NCALD: variants seen among roughly 807,000 people sequenced by gnomAD.
NCALD encodes the protein neurocalcin delta.
Under a neutral mutation model 18.6 loss-of-function variants are expected in NCALD, and 10 were observed. The observed-to-expected ratio is 0.54, with a 90% CI of 0.33 to 0.91. The LOEUF (loss-of-function observed/expected upper bound fraction) is 0.91, where lower values mean the gene tolerates loss of function less well. Ranked by LOEUF, NCALD falls within the 40% of genes least tolerant of loss-of-function variation. The pLI is 0.03. For synonymous variants in NCALD, 88 were observed against 87.4 expected (o/e 1.01, Z -0.04); for missense variants, 184 against 247.6 (o/e 0.74, Z 1.72).
intron 1 of NCALD, among the ~76,000 whole-genome samples, chr8:101,756,039 G>A (rs144283784): frequency 9.9e-5 from 15 of 152,002 alleles, no homozygotes; most frequent in East Asian, 9.7e-4. Context: ...GTCATCAGAC[G>A]GGACCTGCCA....
At chr8:102,096,892 A>G (rs1825120586) in intron 1 of NCALD, among the ~76,000 whole-genome samples, 1 of 152,224 alleles carries the variant, frequency 6.6e-6, no homozygotes, top group Non-Finnish European at 1.5e-5. Context: ...TCAAAATGCC[A>G]AGAACCTGGA....
intron 1 of NCALD, among the ~76,000 whole-genome samples, chr8:101,746,395 A>T (rs936335105): frequency 6.6e-6 from 1 of 152,182 alleles, no homozygotes; most frequent in African/African-American, 2.4e-5. Context: ...GTGTTGCAGA[A>T]ATTATCCAGT....
intron 2 of NCALD, among the ~76,000 whole-genome samples, chr8:101,933,393 C>T (rs919889254): frequency 9.9e-5 from 15 of 152,184 alleles, no homozygotes; most frequent in Admixed American, 9.8e-4. Flanking sequence ...TGCCAGCAGC[C>T]TCTAGAAGCT....
intron 2 of NCALD, among the ~76,000 whole-genome samples, chr8:101,954,713 C>T (rs774036853): frequency 1.3e-5 from 2 of 152,112 alleles, no homozygotes; most frequent in Admixed American, 1.3e-4. Flanking sequence ...AGTTAGCACT[C>T]GAGACAAAAC....
At chr8:101,922,836 C>T (rs947179329) in intron 2 of NCALD, among the ~76,000 whole-genome samples, 1 of 152,144 alleles carries the variant, frequency 6.6e-6, no homozygotes, top group African/African-American at 2.4e-5. Context: ...TTAGAAATTA[C>T]ACACAGTAAG....
intron 1 of NCALD, among the ~76,000 whole-genome samples, chr8:102,021,075 C>T (rs1287086813): frequency 6.6e-6 from 1 of 152,196 alleles, no homozygotes; most frequent in Admixed American, 6.5e-5. Context: ...CCAAAGAACA[C>T]TGCATTTTTT....
At position 101,719,635 on chromosome 8, in the gene NCALD, C is replaced by A. The variant is rs570098457; in HGVS notation, c.-6G>T. On this transcript the variant is annotated 5_prime_UTR_variant, in exon 2 of 4. Coordinates refer to ENST00000220931, the MANE Select transcript of NCALD (RefSeq NM_032041.3). Reference sequence around the variant, plus strand: ...TTGCTGTTCTGTTTCCCCATCCTGGCGGCAAGAATTCAGCTGCAGATAGAA... The same window carrying A: ...TTGCTGTTCTGTTTCCCCATCCTGGAGGCAAGAATTCAGCTGCAGATAGAA... 2.6e-6 allele frequency: 4 copies of A among 1,559,474 alleles called. No homozygotes were observed. In the African/African-American group the frequency reaches 4.1e-5, roughly 16 times the overall value.
At chr8:102,093,054 A>C (rs1435953652) in intron 1 of NCALD, among the ~76,000 whole-genome samples, 5 of 152,074 alleles carry the variant, frequency 3.3e-5, no homozygotes, top group Non-Finnish European at 5.9e-5. Flanking sequence ...GCTTCTCAGG[A>C]GGCTGAGGAG....
At chr8:101,921,645 G>C (rs1248697727) in intron 2 of NCALD, among the ~76,000 whole-genome samples, 8 of 152,016 alleles carry the variant, frequency 5.3e-5, no homozygotes, top group Admixed American at 5.2e-4. Flanking sequence ...ATATGTCAGT[G>C]GTAAGGACTT....
chr8:102,003,438 T>A (rs958155548), intron 2 of NCALD, among the ~76,000 whole-genome samples: 2 of 152,216 alleles, frequency 1.3e-5, no homozygotes, highest in Admixed American at 6.5e-5. Flanking sequence ...CACAGCCGAA[T>A]TCTACCAGAG....
At position 101,878,909 on chromosome 8, in the gene NCALD, A is replaced by T. The variant is rs182747204; in HGVS notation, c.-20+8232T>A. Among the ~76,000 whole-genome samples, 7 of 152,324 alleles carry T rather than the reference A, an allele frequency of 4.6e-5. No homozygotes were observed. In the East Asian group the frequency reaches 1.2e-3, roughly 25 times the overall value. On this transcript the variant is annotated intron_variant, in intron 4 of 6. Coordinates refer to the NCALD transcript ENST00000311028. ...ATGTCCTATGATTACGATGATGAAA[A>T]AAAGCAGCCCTAGGTTCTGTCCTCA...
In NCALD at chr8:102,022,726, TACC is replaced by T. The variant is rs1822317660; in HGVS notation, c.-209-2440_-209-2438del. Among the ~76,000 whole-genome samples, 3 of 152,166 alleles carry T rather than the reference TACC, an allele frequency of 2.0e-5. No homozygotes were observed. The South Asian group carries it at 6.2e-4, about 32-fold the overall frequency. ...CAACATGATGAACTAGAGCAATACT[TACC>T]ACCCTTCCCACACATCCAGACCAAA... On this transcript the variant is annotated intron_variant, in intron 1 of 6. Transcript: ENST00000311028.
chr8:102,068,846 C>G (rs1459343529), intron 1 of NCALD, among the ~76,000 whole-genome samples: 1 of 152,064 alleles, frequency 6.6e-6, no homozygotes, highest in Non-Finnish European at 1.5e-5. Flanking sequence ...TACTGTTCAG[C>G]CTTAAAAAAG....
chr8:101,938,865 C>T (rs1039407157), intron 2 of NCALD, among the ~76,000 whole-genome samples: 3 of 152,234 alleles, frequency 2.0e-5, no homozygotes, highest in Non-Finnish European at 4.4e-5. Context: ...TGTCAAAGGG[C>T]TTGCCCTCCT....
chr8:101,877,607 C>T (rs931862308), intron 4 of NCALD, among the ~76,000 whole-genome samples: 2 of 152,218 alleles, frequency 1.3e-5, no homozygotes, highest in Admixed American at 6.5e-5. Context: ...CATCTCCTTA[C>T]AGGAACAGTA....
chr8:102,081,542 T>A (rs1437165776), intron 1 of NCALD, among the ~76,000 whole-genome samples: 6 of 41,700 alleles, frequency 1.4e-4, no homozygotes, highest in Non-Finnish European at 2.3e-4. Context: ...ATTCAAATAA[T>A]GGTAAAAAAA....
intron 2 of NCALD, among the ~76,000 whole-genome samples, chr8:101,921,964 G>C (rs1183614504): frequency 3.2e-5 from 4 of 123,478 alleles, no homozygotes; most frequent in African/African-American, 1.3e-4. Context: ...TTTTTTTTTT[G>C]AGACAGTCTC....
At chr8:101,814,751 T>C (rs769337782) in intron 4 of NCALD, among the ~76,000 whole-genome samples, 6 of 152,094 alleles carry the variant, frequency 3.9e-5, no homozygotes, top group Non-Finnish European at 8.8e-5. Flanking sequence ...TAAGGGATTA[T>C]AGCAAGGTTG....
At chr8:101,961,813 C>A (rs1039835009) in intron 2 of NCALD, among the ~76,000 whole-genome samples, 3 of 152,100 alleles carry the variant, frequency 2.0e-5, no homozygotes, top group Non-Finnish European at 2.9e-5. Flanking sequence ...TCTACCTCAA[C>A]TCTCTCCCCT....
Sources: allele counts gnomAD v4.1 joint callset (sites outside exome capture counted in the v4.1 genomes callset), GRCh38; gene constraint gnomAD v4.1.1; transcripts MANE v1.5; gene names NCBI Gene and HGNC (gene_info 2026-07-23, HGNC 2026-07-21).